IP6K2: variants seen among roughly 807,000 people sequenced by gnomAD.
The protein encoded by IP6K2 is inositol hexakisphosphate kinase 2.
IP6K2 carries 9 observed loss-of-function variants against 43.3 expected under a neutral mutation model. That is an observed-to-expected ratio of 0.21 (90% CI 0.13 to 0.36). IP6K2 has a LOEUF of 0.36. Ranked by LOEUF, IP6K2 falls within the 10% of genes least tolerant of loss-of-function variation. IP6K2 has a pLI of 1.00. For missense variants in IP6K2, 332 were observed against 538.4 expected (o/e 0.62, Z 3.79); for synonymous variants, 209 against 202.4 (o/e 1.03, Z -0.28).
intron 3 of IP6K2, 75 bp downstream of exon 3, chr3:48,692,879 G>A (rs1443539221): frequency 1.9e-6 from 2 of 1,054,110 alleles, no homozygotes; most frequent in Non-Finnish European, 2.9e-6. Flanking sequence ...TTAGCTCCAG[G>A]GAACTGGGCT....
At chr3:48,716,907 G>A (rs527722309) in intron 1 of IP6K2, among the ~76,000 whole-genome samples, 45 of 152,024 alleles carry the variant, frequency 3.0e-4, no homozygotes, top group Non-Finnish European at 5.4e-4. Context: ...CAATGACCGG[G>A]GAGGATGCTG....
At chr3:48,694,024 T>TATCATTAAAAAA in intron 2 of IP6K2, 56 of 1,404,418 alleles carry the variant, frequency 4.0e-5, no homozygotes, top group South Asian at 2.6e-4. Flanking sequence ...CTCCCAGGCC[T>TATCATTAAAAAA]CTCTGCCCCA....
Position 48,689,562 on chromosome 3 carries a change from A to G in IP6K2, c.756T>C (p.Ile252=), listed in dbSNP as rs140510069. ...CCTGCATGCCACACACACGCACACC[A>G]ATGACTGCAGATGTGCTCTGCTGAC... ...RKCQQSTSAV[I]GVRVCGMQVY... Residue 252 remains isoleucine, a synonymous_variant, in exon 5 of 6, where the codon ATT becomes ATC. Transcript: ENST00000328631. 1.9e-6 allele frequency: 3 copies of G among 1,613,648 alleles called. No homozygotes were observed. Among genetic ancestry groups the G allele is most frequent in the Non-Finnish European group, 2.5e-6 (3 of 1,179,970 alleles).
chr3:48,689,600 G>A lies in IP6K2; in HGVS notation c.718C>T (p.Gln240Ter), dbSNP rs765704423. ...DDASEEKAAN[Q>*]IRKCQQSTSA... is the part of the protein sequence containing the mutation. Reference sequence around the variant, plus strand: ...GTGCTCTGCTGACATTTTCGGATCTGGTTGGCTGCCTTCTCCTCTGAAGCA... The same window carrying A: ...GTGCTCTGCTGACATTTTCGGATCTAGTTGGCTGCCTTCTCCTCTGAAGCA... Residue 240 changes from glutamine to a stop codon, truncating the protein, a stop_gained, in exon 5 of 6, where the codon CAG (glutamine) becomes TAG (stop). Coordinates refer to ENST00000328631, the MANE Select transcript of IP6K2 (RefSeq NM_016291.4). LOFTEE classifies it high-confidence loss of function. The A allele has an allele frequency of 1.2e-6, 2 of 1,614,202 alleles. No individual in the cohort carries two copies. Among genetic ancestry groups the A allele is most frequent in the Non-Finnish European group, 1.7e-6 (2 of 1,180,036 alleles).
chr3:48,688,468 C>T lies in IP6K2; in HGVS notation c.1086G>A (p.Glu362=). The stretch of plus-strand genomic sequence containing the variant: ...GTTTGTAGGCATAGGCACCAGCAGA[C>T]TCATCAGCTGATTCCTCTGACAGGT... The part of the protein sequence containing the change: ...LEDLSEESAD[E]SAGAYAYKPI... Residue 362 remains glutamate (E), a synonymous_variant, in exon 6 of 6, where the codon GAG becomes GAA. Coordinates refer to ENST00000328631, the MANE Select transcript of IP6K2 (RefSeq NM_016291.4). This position sits in a 1 kb window ranked among gnomAD's most constrained non-coding sequence, Gnocchi z 5.1. 1 of 1,614,228 alleles carries T rather than the reference C, an allele frequency of 6.2e-7. No individual in the cohort carries two copies. The highest frequency in any genetic ancestry group is 8.5e-7 in the Non-Finnish European group (1 of 1,180,038).
Position 48,688,491 on chromosome 3 carries a change from G to A in IP6K2, c.1063C>T (p.Leu355=). 6.2e-7 allele frequency: 1 copy of A among 1,614,192 alleles called. No individual in the cohort carries two copies. The highest frequency in any genetic ancestry group is 1.1e-5 in the South Asian group (1 of 91,076). Residue 355 remains leucine, a synonymous_variant, in exon 6 of 6, where the codon CTG becomes TTG. Transcript: ENST00000328631. This position sits in a 1 kb window ranked among gnomAD's most constrained non-coding sequence, Gnocchi z 5.1. ...LDSDAEDLED[L]SEESADESAG... ...GACTCATCAGCTGATTCCTCTGACA[G>A]GTCCTCCAAATCCTCAGCATCTGAG...
chr3:48,692,925 G>A, intron 3 of IP6K2, 29 bp downstream of exon 3: 1 of 1,526,894 alleles, frequency 6.5e-7, no homozygotes, highest in Non-Finnish European at 9.1e-7. Flanking sequence ...CTCCCACATA[G>A]CCCAGAGTTG....
intron 1 of IP6K2, among the ~76,000 whole-genome samples, chr3:48,713,788 CAA>C (rs397877320): frequency 1.2e-4 from 11 of 91,684 alleles, no homozygotes; most frequent in East Asian, 3.1e-4. Context: ...GACATTTTTT[CAA>C]AAAAAAAAAA....
At chr3:48,700,938 G>A (rs1490839101) in intron 1 of IP6K2, among the ~76,000 whole-genome samples, 1 of 152,184 alleles carries the variant, frequency 6.6e-6, no homozygotes, top group Admixed American at 6.5e-5. Context: ...TACAAGCCAG[G>A]GTTAATTATG....
rs188909007 is a variant in IP6K2, at chr3:48,712,773, T to C, written c.-131+4384A>G. Among the ~76,000 whole-genome samples the C allele has an allele frequency of 2.1e-3, 313 of 151,846 alleles. 3 individuals are homozygous for C. The highest frequency in any genetic ancestry group is 7.3e-3 in the African/African-American group (302 of 41,462). ...GGCTCACACCTGTAATCCCAGCACT[T>C]TGGAAGGCCAGAGTGGGCGGATCAC... is the stretch of plus-strand genomic sequence containing the variant. On this transcript the variant is annotated intron_variant, in intron 1 of 5. Transcript: ENST00000328631.
chr3:48,699,285 C>T (rs1484405376), intron 1 of IP6K2: 1 of 152,128 alleles, frequency 6.6e-6, no homozygotes, highest in Non-Finnish European at 1.5e-5. Context: ...TGGCGCATGC[C>T]TGTAATCCCA....
At chr3:48,703,003 G>A (rs963164871) in intron 1 of IP6K2, among the ~76,000 whole-genome samples, 4 of 152,200 alleles carry the variant, frequency 2.6e-5, no homozygotes, top group Admixed American at 1.3e-4. Flanking sequence ...TTATTAAAAT[G>A]TGGCCTGCTG....
chr3:48,711,602 C>T (rs562317266), intron 1 of IP6K2: 2 of 152,152 alleles, frequency 1.3e-5, no homozygotes, highest in Non-Finnish European at 2.9e-5. Flanking sequence ...AGATACTGTT[C>T]AAGGAATGAC....
At chr3:48,694,406 T>C in intron 2 of IP6K2, 1 of 1,546,738 alleles carries the variant, frequency 6.5e-7, no homozygotes, top group South Asian at 1.2e-5. Flanking sequence ...CTAGAGTCCT[T>C]TATGTAACCA....
chr3:48,695,160 C>T lies in IP6K2; in HGVS notation c.132G>A (p.Leu44=). The change falls in exon 2 of 6, where the codon CTG becomes CTA. Residue 44 remains leucine (L), a synonymous_variant. Coordinates refer to ENST00000328631, the MANE Select transcript of IP6K2 (RefSeq NM_016291.4). This position sits in a 1 kb window ranked among gnomAD's most constrained non-coding sequence, Gnocchi z 4.6. ...CGTAGAACTGATGTTCCCTTGGGAC[C>T]AGGGGCTTGCACAGGGTTGTCTCAT... The part of the protein sequence containing the change: ...RFNETTLCKP[L]VPREHQFYET... 1 of 1,607,354 alleles carries T rather than the reference C, an allele frequency of 6.2e-7. No individual in the cohort carries two copies. The highest frequency in any genetic ancestry group is 8.5e-7 in the Non-Finnish European group (1 of 1,174,940).
At chr3:48,712,709 G>GT (rs2107081021) in intron 1 of IP6K2, among the ~76,000 whole-genome samples, 1 of 151,004 alleles carries the variant, frequency 6.6e-6, no homozygotes, top group East Asian at 2.0e-4. Context: ...GAGTGAGACT[G>GT]TCTTTATTTA....
rs1446101621 is a variant in IP6K2 at position 48,689,728 on chromosome 3, A to G, written c.605-15T>C. The stretch of plus-strand genomic sequence containing the variant: ...TAAGATAAATTCTGAGTAGTTAAGA[A>G]TAATACCCCCAAAAGGAAGTGCTAC... On this transcript the variant is annotated splice_polypyrimidine_tract_variant and intron_variant, in intron 4 of 5. Coordinates refer to ENST00000328631, the MANE Select transcript of IP6K2 (RefSeq NM_016291.4). 2 of 1,611,124 alleles carry G rather than the reference A, an allele frequency of 1.2e-6. No individual in the cohort carries two copies. The highest frequency in any genetic ancestry group is 2.2e-5 in the East Asian group (1 of 44,858).
At chr3:48,694,014 C>A in intron 2 of IP6K2, 22 of 1,389,604 alleles carry the variant, frequency 1.6e-5, no homozygotes, top group Admixed American at 1.0e-4. Context: ...AACACCTTTC[C>A]TCCCAGGCCT....
chr3:48,690,790 AAAAAAAAAAAAAAG>A (rs2077705673), intron 4 of IP6K2, among the ~76,000 whole-genome samples: 1 of 150,144 alleles, frequency 6.7e-6, no homozygotes. Flanking sequence ...TCTGTCTCAA[AAAAAAAAAAAAAAG>A]AAAAAAAAGA....
Sources: gnomAD v4.1 joint callset for allele counts (sites outside exome capture counted in the v4.1 genomes callset) on GRCh38, gnomAD v4.1.1 for gene constraint, Gnocchi (gnomAD v3.1) non-coding constraint, MANE v1.5 for transcripts, NCBI Gene and HGNC (gene_info 2026-07-23, HGNC 2026-07-21) for gene names.